Variants in ZNF407 observed in about 807,000 individuals in gnomAD.
ZNF407 encodes zinc finger protein 407.
A neutral mutation model predicts 131.2 loss-of-function variants in ZNF407; 17 were observed. The ratio of observed to expected loss-of-function variants is 0.13; its 90% CI spans 0.09 to 0.19. ZNF407 has a LOEUF of 0.19. Among genes scored for constraint, ZNF407 ranks in the 10% least tolerant of loss-of-function variants. The probability of loss-of-function intolerance (pLI) is 1.00; values close to 1 mark genes in which losing one functional copy is unlikely to be tolerated. For missense variants in ZNF407, 2,681 were observed against 2,830.6 expected (o/e 0.95, Z 1.20); for synonymous variants, 1,156 against 1,062.0 (o/e 1.09, Z -1.72).
intron 6 of ZNF407, among the ~76,000 whole-genome samples, chr18:74,886,294 G>A (rs1209062372): frequency 3.3e-5 from 5 of 152,154 alleles, no homozygotes; most frequent in East Asian, 1.9e-4. Context: ...CAAGTCATAC[G>A]TAGCTGGTAG....
intron 8 of ZNF407, among the ~76,000 whole-genome samples, chr18:75,010,458 T>C (rs954091431): frequency 5.3e-5 from 8 of 152,226 alleles, no homozygotes; most frequent in Admixed American, 5.2e-4. Context: ...GTCACCAAAA[T>C]AATAAGTGGG....
chr18:75,057,983 T>TAACAAAAG (rs1389946454), intron 8 of ZNF407, among the ~76,000 whole-genome samples: 2 of 152,138 alleles, frequency 1.3e-5, no homozygotes, highest in Non-Finnish European at 2.9e-5. Flanking sequence ...CGTAAGGTAT[T>TAACAAAAG]TATTCTGTGG....
chr18:74,977,596 T>G (rs1207025785), intron 8 of ZNF407, among the ~76,000 whole-genome samples: 2 of 152,228 alleles, frequency 1.3e-5, no homozygotes, highest in African/African-American at 4.8e-5. Flanking sequence ...TATAAGCCTG[T>G]GACTGAGTGG....
chr18:75,014,965 A>G (rs1973025839), intron 8 of ZNF407, among the ~76,000 whole-genome samples: 1 of 152,094 alleles, frequency 6.6e-6, no homozygotes, highest in African/African-American at 2.4e-5. Flanking sequence ...CAAATATTCT[A>G]CAATGGAAGT....
At chr18:74,727,859 A>C (rs993288432) in intron 3 of ZNF407, among the ~76,000 whole-genome samples, 3 of 152,220 alleles carry the variant, frequency 2.0e-5, no homozygotes, top group South Asian at 2.1e-4. Context: ...AGAGTGGCTC[A>C]GACAAGTCTC....
chr18:74,863,937 T>C (rs1970973945), intron 4 of ZNF407, among the ~76,000 whole-genome samples: 1 of 150,690 alleles, frequency 6.6e-6, no homozygotes. Context: ...TATTTTCTTA[T>C]TTTTGTTTTT....
At chr18:74,751,456 T>G (rs1468672131) in intron 3 of ZNF407, among the ~76,000 whole-genome samples, 1 of 152,162 alleles carries the variant, frequency 6.6e-6, no homozygotes, top group Non-Finnish European at 1.5e-5. Flanking sequence ...ATGTGCCATG[T>G]TGGTGTGCTG....
intron 3 of ZNF407, among the ~76,000 whole-genome samples, chr18:74,758,881 A>G (rs1016784004): frequency 1.8e-4 from 27 of 152,284 alleles, no homozygotes; most frequent in African/African-American, 5.5e-4. Context: ...TGCCTGGCCA[A>G]AAAATATATT....
At chr18:74,669,939 C>T (rs1013840711) in intron 3 of ZNF407, among the ~76,000 whole-genome samples, 1 of 152,236 alleles carries the variant, frequency 6.6e-6, no homozygotes, top group East Asian at 1.9e-4. Context: ...GACTCCCTGT[C>T]CTTTTTCCTC....
At chr18:74,977,909 T>G (rs958014944) in intron 8 of ZNF407, among the ~76,000 whole-genome samples, 2 of 152,218 alleles carry the variant, frequency 1.3e-5, no homozygotes, top group Non-Finnish European at 2.9e-5. Context: ...TATTGGGGAT[T>G]TTTAGTACTT....
chr18:74,785,492 A>G (rs1194805018), intron 4 of ZNF407, among the ~76,000 whole-genome samples: 1 of 152,130 alleles, frequency 6.6e-6, no homozygotes, highest in East Asian at 1.9e-4. Flanking sequence ...TTGCGGAGAG[A>G]TGTCTCAGAG....
chr18:75,029,128 CT>C (rs1973206750), intron 8 of ZNF407, among the ~76,000 whole-genome samples: 2 of 152,130 alleles, frequency 1.3e-5, no homozygotes, highest in Admixed American at 1.3e-4. Context: ...TTAGTTTGAC[CT>C]GAAAATTCAT....
intron 8 of ZNF407, among the ~76,000 whole-genome samples, chr18:75,006,740 A>G (rs1025509497): frequency 6.6e-6 from 1 of 152,158 alleles, no homozygotes; most frequent in Non-Finnish European, 1.5e-5. Context: ...GTGTCTTGCA[A>G]TCATCTATAT....
chr18:74,806,401 A>G (rs899431850), intron 4 of ZNF407, among the ~76,000 whole-genome samples: 2 of 152,334 alleles, frequency 1.3e-5, no homozygotes, highest in African/African-American at 4.8e-5. Flanking sequence ...GCTTTAGCCT[A>G]TGCCAATGGG....
chr18:74,726,531 T>C (rs896077850), intron 3 of ZNF407, among the ~76,000 whole-genome samples: 3 of 152,214 alleles, frequency 2.0e-5, no homozygotes, highest in Non-Finnish European at 2.9e-5. Context: ...GGGAAAAATT[T>C]TGGAATATGT....
chr18:75,023,227 TTAA>T (rs1433957544), intron 8 of ZNF407, among the ~76,000 whole-genome samples: 9 of 152,058 alleles, frequency 5.9e-5, no homozygotes, highest in African/African-American at 2.2e-4. Flanking sequence ...CATACTGGGC[TTAA>T]TACACCATGT....
intron 4 of ZNF407, among the ~76,000 whole-genome samples, chr18:74,847,539 A>G (rs1020326900): frequency 6.6e-6 from 1 of 152,162 alleles, no homozygotes; most frequent in Non-Finnish European, 1.5e-5. Flanking sequence ...TTAACTTTCT[A>G]TTTTTTAATT....
At chr18:74,777,358 T>C (rs895551082) in intron 3 of ZNF407, among the ~76,000 whole-genome samples, 15 of 152,150 alleles carry the variant, frequency 9.9e-5, no homozygotes, top group Non-Finnish European at 1.6e-4. Flanking sequence ...GTATTATTTT[T>C]TATTTAAAGG....
chr18:75,043,872 A>T (rs1973401976), intron 8 of ZNF407, among the ~76,000 whole-genome samples: 1 of 152,186 alleles, frequency 6.6e-6, no homozygotes, highest in South Asian at 2.1e-4. Flanking sequence ...CGGATATAAA[A>T]ATATTTACAG....
Sources: allele counts gnomAD v4.1 joint callset (sites outside exome capture counted in the v4.1 genomes callset), GRCh38; gene constraint gnomAD v4.1.1; transcripts MANE v1.5; gene names NCBI Gene and HGNC (gene_info 2026-07-23, HGNC 2026-07-21).